The following BRWD3 variants were observed in gnomAD, a reference collection of about 807,000 sequenced individuals.
BRWD3 encodes bromodomain and WD repeat domain containing 3.
BRWD3 carries 10 observed loss-of-function variants against 149.7 expected under a neutral mutation model. That is an observed-to-expected ratio of 0.07 (90% CI 0.04 to 0.11). The LOEUF is 0.11. Among genes scored for constraint, BRWD3 ranks in the 10% least tolerant of loss-of-function variants. The pLI is 1.00. For synonymous variants in BRWD3, 504 were observed against 456.7 expected, an observed-to-expected ratio of 1.10 and a Z score of -1.32; for missense variants, 940 against 1,373.2, an observed-to-expected ratio of 0.68 and a Z score of 4.99.
At position 80,736,060 on chromosome X, in the gene BRWD3, C is replaced by T; in HGVS notation, c.842G>A (p.Arg281Lys). 2.5e-6 allele frequency: 3 copies of T among 1,189,906 alleles called. No individual in the cohort carries two copies. Among genetic ancestry groups the T allele is most frequent in the Non-Finnish European group, 3.4e-6 (3 of 881,479 alleles). The change falls in exon 9 of 41, where the codon AGA (arginine) becomes AAA (lysine). Residue 281 changes from arginine (R) to lysine (K), a missense_variant. Transcript: ENST00000373275. ...QFCPSTKGTN[R>K]YLTSTGADGT... ...ATCAGCACCAGTAGAAGTGAGGTAT[C>T]TGTTTGTGCCTTTAGTTGATGGACA...
chrX:80,779,300 G>A (rs1360636281), intron 6 of BRWD3, among the ~76,000 whole-genome samples: 1 of 111,256 alleles, frequency 9.0e-6, no homozygotes, highest in Admixed American at 9.6e-5. Context: ...GGGCAACAAG[G>A]GAGAAATTCT....
chrX:80,778,980 T>C lies in BRWD3; in HGVS notation c.430+12874A>G, dbSNP rs755465710. ...TGCCATTGCACTCCAGCCAGGGCAA[T>C]AGAGCAAGACTCCATCTCAAAAACA... On this transcript the variant is annotated intron_variant, in intron 6 of 40. Coordinates refer to ENST00000373275, the MANE Select transcript of BRWD3 (RefSeq NM_153252.5). Among the ~76,000 whole-genome samples the C allele has an allele frequency of 1.3e-4, 14 of 108,155 alleles. 1 individual carries two copies. Among genetic ancestry groups the C allele is most frequent in the African/African-American group, 3.7e-4 (11 of 29,492 alleles). 93.9% of individuals were successfully genotyped at this position (108,155 alleles called of 115,157 possible).
intron 8 of BRWD3, among the ~76,000 whole-genome samples, chrX:80,737,164 T>A (rs1387232612): frequency 9.0e-6 from 1 of 111,455 alleles, no homozygotes; most frequent in African/African-American, 3.3e-5. Flanking sequence ...CATGCCTATA[T>A]AGTCCTCCGT....
chrX:80,721,433 C>T (rs1042228243), intron 17 of BRWD3, among the ~76,000 whole-genome samples: 1 of 111,703 alleles, frequency 9.0e-6, no homozygotes, highest in Non-Finnish European at 1.9e-5. Flanking sequence ...GCTCTACAAC[C>T]TTTATGAGCA....
intron 33 of BRWD3, among the ~76,000 whole-genome samples, chrX:80,689,063 T>C (rs2147688433): frequency 9.0e-6 from 1 of 111,198 alleles, no homozygotes; most frequent in East Asian, 2.8e-4. Context: ...ACATGCAAAA[T>C]ATCTCATGCC....
intron 6 of BRWD3, among the ~76,000 whole-genome samples, chrX:80,779,739 A>C (rs1369168454): frequency 2.7e-5 from 3 of 111,781 alleles, no homozygotes; most frequent in African/African-American, 9.7e-5. Flanking sequence ...ATTCTAGTAA[A>C]ATTACAAAGG....
intron 19 of BRWD3, chrX:80,717,372 T>C (rs1473954456): frequency 1.2e-5 from 5 of 433,517 alleles, no homozygotes; most frequent in African/African-American, 2.5e-5. Context: ...ATTTTCAATA[T>C]TCCCCAAAGC....
intron 4 of BRWD3, among the ~76,000 whole-genome samples, chrX:80,794,532 T>C (rs1323828767): frequency 9.2e-6 from 1 of 109,075 alleles, no homozygotes; most frequent in Non-Finnish European, 1.9e-5. Context: ...TAAAAAAATA[T>C]ATATATATCT....
intron 6 of BRWD3, among the ~76,000 whole-genome samples, chrX:80,781,631 TAC>T (rs1378616664): frequency 9.0e-6 from 1 of 111,489 alleles, no homozygotes; most frequent in East Asian, 2.8e-4. Context: ...TGTTTAAAAA[TAC>T]AGTCTTATTG....
At chrX:80,780,208 G>C (rs150522762) in intron 6 of BRWD3, among the ~76,000 whole-genome samples, 1,425 of 110,527 alleles carry the variant, frequency 0.013, 17 homozygotes, top group Middle Eastern at 0.038. Context: ...TCTCTATAAA[G>C]TACTGAGTTA....
In BRWD3 at chrX:80,709,499, T is replaced by C. The variant is rs1276319031; in HGVS notation, c.2404A>G (p.Asn802Asp). Residue 802 changes from asparagine to aspartate, a missense_variant, in exon 21 of 41, where the codon AAC (asparagine) becomes GAC (aspartate). This residue lies in a region of BRWD3 where 103 missense variants were observed against 103.2 expected (regional missense o/e 1.00). Coordinates refer to ENST00000373275, the MANE Select transcript of BRWD3 (RefSeq NM_153252.5). ...GATGCCTGTGAATTATGCTCTATGT[T>C]GGACCGTGTTTGGTAAGTATGCTGA... ...KRQHTYQTRS[N>D]IEHNSQASCQ... 3 of 1,210,240 alleles carry C rather than the reference T, an allele frequency of 2.5e-6. No homozygotes were observed. The highest frequency in any genetic ancestry group is 3.4e-6 in the Non-Finnish European group (3 of 894,224).
At chrX:80,738,964 T>TCTCAGATTGGAGATTGG (rs1186960060) in intron 8 of BRWD3, among the ~76,000 whole-genome samples, 2 of 111,770 alleles carry the variant, frequency 1.8e-5, no homozygotes, top group Non-Finnish European at 3.8e-5. Context: ...GATTGGAAGC[T>TCTCAGATTGGAGATTGG]ACTGATGGTC....
At position 80,687,689 on chromosome X, in the gene BRWD3, T is replaced by C. The variant is rs781449424; in HGVS notation, c.3864+380A>G. Among the ~76,000 whole-genome samples, 17 of 110,458 alleles carry C rather than the reference T, an allele frequency of 1.5e-4. No homozygotes were observed. The East Asian group carries it at 4.6e-3, about 30-fold the overall frequency. On this transcript the variant is annotated intron_variant, in intron 34 of 40. Transcript: ENST00000373275. ...TTGTGCTGAATACCTGATTTCCTTC[T>C]GGGAATCTGGAATCTTAGTACGTGC...
Position 80,677,266 on chromosome X carries a change from G to A in BRWD3, c.4752C>T (p.Asn1584=), listed in dbSNP as rs1319099683. Residue 1584 remains asparagine (N), a synonymous_variant, in exon 41 of 41, where the codon AAC becomes AAT. Coordinates refer to ENST00000373275, the MANE Select transcript of BRWD3 (RefSeq NM_153252.5). ...KLLSASEEDE[N]MGGEDKEKKE... ...TTTTCTCTTTATCTTCTCCTCCCAT[G>A]TTTTCATCTTCTTCTGATGCACTAA... The A allele has an allele frequency of 8.3e-7, 1 of 1,210,272 alleles. No individual in the cohort carries two copies. Among genetic ancestry groups the A allele is most frequent in the Admixed American group, 2.2e-5 (1 of 45,775 alleles).
In BRWD3 at chrX:80,674,238, AT is replaced by A. The variant is rs1473190613; in HGVS notation, c.*2370del. 8.9e-6 allele frequency: 1 copy of A among 111,801 alleles called. No individual in the cohort carries two copies. 9.2% of individuals were successfully genotyped at this position (111,801 alleles called of 1,213,427 possible). On this transcript the variant is annotated 3_prime_UTR_variant, in exon 41 of 41. Transcript: ENST00000373275. ...CACTACATATAAAATATGCTTTAAA[AT>A]GTCTTCAGCCTTATTATTCTAATTA...
chrX:80,681,543 T>A, intron 39 of BRWD3, 44 bp from the exon 40 acceptor site: 4 of 1,074,781 alleles, frequency 3.7e-6, no homozygotes, highest in Non-Finnish European at 5.2e-6. Flanking sequence ...TTATCATGTT[T>A]TCAGGAAAGT....
chrX:80,739,937 A>G (rs1409567850), intron 8 of BRWD3, among the ~76,000 whole-genome samples: 1 of 112,378 alleles, frequency 8.9e-6, no homozygotes, highest in African/African-American at 3.2e-5. Context: ...CAAACCGCAG[A>G]TAAGGGGGAC....
intron 31 of BRWD3, among the ~76,000 whole-genome samples, chrX:80,690,602 C>A (rs1040189665): frequency 9.9e-5 from 11 of 111,197 alleles, no homozygotes; most frequent in African/African-American, 3.6e-4. Flanking sequence ...GATATGCCCT[C>A]TACAACCTTC....
At position 80,670,999 on chromosome X, in the gene BRWD3, T is replaced by A. The variant is rs1327010347; in HGVS notation, c.*5610A>T. ...CTGGGAGACAAATTCTGGGTAACTA[T>A]ATAGTTATGAATGTTCCTGTTAGAG... On this transcript the variant is annotated 3_prime_UTR_variant, in exon 41 of 41. Transcript: ENST00000373275. The A allele has an allele frequency of 9.0e-6, 1 of 111,245 alleles. No homozygotes were observed. Among genetic ancestry groups the A allele is most frequent in the Non-Finnish European group, 1.9e-5 (1 of 53,087 alleles). The allele number at this position is 111,245 out of a possible 1,213,427, so 9.2% of individuals were successfully genotyped here. A position where few individuals can be genotyped will look rare whatever the true frequency, so the allele number is the denominator to read the frequency against.
Sources: allele counts gnomAD v4.1 joint callset (sites outside exome capture counted in the v4.1 genomes callset), GRCh38; gene constraint gnomAD v4.1.1; regional missense constraint gnomAD v4.1.1; transcripts MANE v1.5; gene names NCBI Gene and HGNC (gene_info 2026-07-23, HGNC 2026-07-21).